CCR5AS: variants seen among roughly 807,000 people sequenced by gnomAD.
The protein encoded by CCR5AS is CCR5 antisense RNA.
At chr3:46,374,679 G>A in intron 2 of CCR5AS, 1 of 167,410 alleles carries the variant, frequency 6.0e-6, no homozygotes. Flanking sequence ...ACATGGGGAG[G>A]AAGGACAAGG....
At chr3:46,373,164 C>T (rs1267109780) in intron 2 of CCR5AS, 1 of 1,614,098 alleles carries the variant, frequency 6.2e-7, no homozygotes, top group Admixed American at 1.7e-5. Context: ...CTTCTGGGCT[C>T]ACTATGCTGC....
At chr3:46,371,295 T>A (rs955957262) in exon 3 of CCR5AS, 2 of 152,214 alleles carry the variant, frequency 1.3e-5, no homozygotes, top group Admixed American at 6.5e-5. Flanking sequence ...AATCTTGAAA[T>A]CTTATCTTCT....
At chr3:46,405,354 A>G (rs970143180) in intron 1 of CCR5AS, among the ~76,000 whole-genome samples, 7 of 152,194 alleles carry the variant, frequency 4.6e-5, no homozygotes, top group Admixed American at 4.6e-4. Context: ...TGACTCTGTG[A>G]CATGCGGTAC....
At chr3:46,372,774 T>A (rs1701680424) in intron 2 of CCR5AS, 1 of 682,064 alleles carries the variant, frequency 1.5e-6, no homozygotes, top group East Asian at 2.6e-5. Context: ...GTTAATTCAA[T>A]GTAGACATCT....
chr3:46,382,570 C>T lies in CCR5AS; in HGVS notation n.391+10255G>A, dbSNP rs139148113. ...ATGCTGCTTCATTACTAATAGCAAC[C>T]TGACAGGGTTGTGTTGGGGTATAAA... On this transcript the variant is annotated intron_variant and non_coding_transcript_variant, in intron 2 of 3. Transcript: ENST00000451485. Among the ~76,000 whole-genome samples the T allele has an allele frequency of 2.4e-3, 362 of 152,270 alleles. 5 individuals are homozygous for T. The highest frequency in any genetic ancestry group is 8.4e-3 in the African/African-American group (351 of 41,556).
chr3:46,384,870 TAGATA>T (rs1198812005), intron 2 of CCR5AS, among the ~76,000 whole-genome samples: 3 of 101,920 alleles, frequency 2.9e-5, no homozygotes, highest in African/African-American at 1.0e-4. Flanking sequence ...GATAGATAGA[TAGATA>T]GATAGATAGA....
chr3:46,370,001 G>A (rs1701640635), intron 3 of CCR5AS, among the ~76,000 whole-genome samples: 1 of 152,164 alleles, frequency 6.6e-6, no homozygotes, highest in South Asian at 2.1e-4. Context: ...GCTCTCTGCT[G>A]TCTTCTCAGC....
chr3:46,388,501 C>T (rs1040622895), intron 2 of CCR5AS, among the ~76,000 whole-genome samples: 2 of 152,222 alleles, frequency 1.3e-5, no homozygotes, highest in East Asian at 3.9e-4. Flanking sequence ...TTAGAGAGTG[C>T]CCAAGGGGGT....
intron 3 of CCR5AS, among the ~76,000 whole-genome samples, chr3:46,366,551 A>G (rs1273895628): frequency 6.6e-6 from 1 of 152,244 alleles, no homozygotes; most frequent in African/African-American, 2.4e-5. Context: ...CATGAGGTAG[A>G]CAGCCTGCAC....
intron 3 of CCR5AS, among the ~76,000 whole-genome samples, chr3:46,368,972 A>G (rs1446840494): frequency 6.6e-6 from 1 of 152,198 alleles, no homozygotes; most frequent in East Asian, 1.9e-4. Context: ...TTACCAGTGA[A>G]TACAAGGCTA....
chr3:46,402,117 C>A (rs375900313), intron 1 of CCR5AS, among the ~76,000 whole-genome samples: 2 of 152,006 alleles, frequency 1.3e-5, no homozygotes, highest in African/African-American at 2.4e-5. Flanking sequence ...TAGCATACTG[C>A]GGAATAAACT....
chr3:46,394,339 T>G (rs577733518), intron 1 of CCR5AS, among the ~76,000 whole-genome samples: 45 of 152,286 alleles, frequency 3.0e-4, no homozygotes, highest in African/African-American at 9.9e-4. Context: ...CTGGGGCATG[T>G]CAGGGGCTGC....
intron 2 of CCR5AS, chr3:46,373,837 T>C (rs868030677): frequency 1.9e-6 from 3 of 1,614,090 alleles, no homozygotes; most frequent in Non-Finnish European, 1.7e-6. Context: ...TTAGTCTTCT[T>C]CCAAAAGCAC....
At chr3:46,379,726 C>A (rs1219886083) in intron 2 of CCR5AS, among the ~76,000 whole-genome samples, 1 of 151,774 alleles carries the variant, frequency 6.6e-6, no homozygotes. Context: ...GAAACCCCTG[C>A]CTCTACTAAA....
intron 2 of CCR5AS, among the ~76,000 whole-genome samples, chr3:46,380,695 C>T (rs1411694506): frequency 1.3e-5 from 2 of 152,216 alleles, no homozygotes; most frequent in African/African-American, 2.4e-5. Flanking sequence ...ACTCCCTTCA[C>T]GATCAGCACC....
In CCR5AS at chr3:46,390,777, A is replaced by C. The variant is rs184994573; in HGVS notation, n.391+2048T>G. On this transcript the variant is annotated intron_variant and non_coding_transcript_variant, in intron 2 of 3. Transcript: ENST00000451485. ...GCTGGACAGGTGGGGATAACTAAAA[A>C]AGTGCATAAAAGAATGTTGTCCAAG... Among the ~76,000 whole-genome samples, 42 of 152,272 alleles carry C rather than the reference A, an allele frequency of 2.8e-4. 2 individuals are homozygous for C. The South Asian group carries it at 8.3e-3, about 30-fold the overall frequency.
intron 2 of CCR5AS, among the ~76,000 whole-genome samples, chr3:46,371,976 G>A (rs1418142677): frequency 3.9e-5 from 6 of 152,146 alleles, no homozygotes; most frequent in Non-Finnish European, 7.3e-5. Flanking sequence ...CAGGCTTCCC[G>A]CATTCAAAAT....
At chr3:46,398,610 C>A (rs1013968294) in intron 1 of CCR5AS, among the ~76,000 whole-genome samples, 1 of 152,196 alleles carries the variant, frequency 6.6e-6, no homozygotes, top group Non-Finnish European at 1.5e-5. Flanking sequence ...CCTAACTCAG[C>A]ACATTGTCCT....
chr3:46,396,217 G>T (rs903571105), intron 1 of CCR5AS, among the ~76,000 whole-genome samples: 2 of 152,166 alleles, frequency 1.3e-5, no homozygotes, highest in Non-Finnish European at 2.9e-5. Flanking sequence ...TATTTAAGAT[G>T]ATTCATATCA....
Sources: allele counts gnomAD v4.1 joint callset (sites outside exome capture counted in the v4.1 genomes callset), GRCh38; gene constraint gnomAD v4.1.1; transcripts MANE v1.5; gene names NCBI Gene and HGNC (gene_info 2026-07-23, HGNC 2026-07-21).